The following RALYL variants were observed in gnomAD, a reference collection of about 807,000 sequenced individuals.
RALYL encodes RNA-binding Raly-like protein.
A neutral mutation model predicts 35.1 loss-of-function variants in RALYL; 29 were observed. The observed-to-expected ratio is 0.83, with a 90% CI of 0.61 to 1.13. The LOEUF (loss-of-function observed/expected upper bound fraction) is 1.13. Ranked by LOEUF, RALYL falls within the 50% of genes most tolerant of loss-of-function variation. The pLI is 0.00. For synonymous variants in RALYL, 120 were observed against 127.6 expected, an observed-to-expected ratio of 0.94 and a Z score of 0.40; for missense variants, 359 against 360.4, an observed-to-expected ratio of 1.00 and a Z score of 0.03.
intron 1 of RALYL, among the ~76,000 whole-genome samples, chr8:84,417,654 T>G (rs1368578323): frequency 1.3e-5 from 2 of 152,070 alleles, no homozygotes; most frequent in African/African-American, 4.8e-5. Flanking sequence ...TGTCTTCAGA[T>G]ATCAACAGTG....
At chr8:84,772,340 T>C (rs548191084) in intron 2 of RALYL, among the ~76,000 whole-genome samples, 1 of 152,246 alleles carries the variant, frequency 6.6e-6, no homozygotes, top group African/African-American at 2.4e-5. Flanking sequence ...TTGGCCTTTG[T>C]TCTATTGTAC....
chr8:84,854,913 A>G (rs866060296), intron 5 of RALYL, among the ~76,000 whole-genome samples: 1 of 152,262 alleles, frequency 6.6e-6, no homozygotes, highest in Middle Eastern at 3.4e-3. Flanking sequence ...GCTGACACCC[A>G]AATCTCTGAG....
intron 1 of RALYL, among the ~76,000 whole-genome samples, chr8:84,474,046 C>G (rs1458928189): frequency 6.6e-6 from 1 of 151,952 alleles, no homozygotes; most frequent in Non-Finnish European, 1.5e-5. Context: ...GTAGCAAACC[C>G]ATGACATTCT....
At chr8:84,531,920 G>T in intron 2 of RALYL, among the ~76,000 whole-genome samples, 1 of 151,984 alleles carries the variant, frequency 6.6e-6, no homozygotes, top group East Asian at 1.9e-4. Flanking sequence ...ACACCAAATT[G>T]CTTTGCTTTG....
chr8:84,757,049 A>G (rs1811598278), intron 2 of RALYL, among the ~76,000 whole-genome samples: 1 of 152,188 alleles, frequency 6.6e-6, no homozygotes, highest in Non-Finnish European at 1.5e-5. Context: ...ACTAACAAGA[A>G]GAATTTGAAT....
chr8:84,826,293 A>G lies in RALYL; in HGVS notation c.365+21491A>G, dbSNP rs969777802. On this transcript the variant is annotated intron_variant, in intron 4 of 8. Coordinates refer to ENST00000521268, the MANE Select transcript of RALYL (RefSeq NM_173848.7). ...ACTACACATGTATCCCCTGAATCTG[A>G]AAAAAAAAAAAAAAAAAAAAAATGC... Among the ~76,000 whole-genome samples, 11 of 85,638 alleles carry G rather than the reference A, an allele frequency of 1.3e-4. No homozygotes were observed. The East Asian group carries it at 2.4e-3, about 19-fold the overall frequency. The allele number at this position is 85,638 out of a possible 152,430, so 56.2% of individuals were successfully genotyped here.
chr8:84,184,828 C>T lies in RALYL; in HGVS notation c.-24+404C>T, dbSNP rs575296144. 2.0e-5 allele frequency: 14 copies of T among 685,950 alleles called. No homozygotes were observed. The African/African-American group carries it at 2.3e-4, about 11-fold the overall frequency. The allele number at this position is 685,950 out of a possible 1,614,324, so 42.5% of individuals were successfully genotyped here. A position where few individuals can be genotyped will look rare whatever the true frequency, so the allele number is the denominator to read the frequency against. ...CGTGTACGTGGCGCTGGCCGTCGGG[C>T]GGGCTAGAGGGGACCCTCAGAGCAC... is the stretch of plus-strand genomic sequence containing the variant. On this transcript the variant is annotated intron_variant, in intron 1 of 8. Transcript: ENST00000521268.
chr8:84,545,902 T>C (rs2060322010), intron 2 of RALYL, among the ~76,000 whole-genome samples: 1 of 152,172 alleles, frequency 6.6e-6, no homozygotes, highest in Non-Finnish European at 1.5e-5. Context: ...CAAATTATTA[T>C]GTTTTTCCTT....
chr8:84,721,199 C>T (rs185200063), intron 2 of RALYL, among the ~76,000 whole-genome samples: 337 of 142,494 alleles, frequency 2.4e-3, no homozygotes, highest in African/African-American at 8.6e-3. Flanking sequence ...GAGACCCTAT[C>T]TCTATTAAAA....
intron 1 of RALYL, among the ~76,000 whole-genome samples, chr8:84,300,292 G>T (rs1001608256): frequency 1.4e-4 from 22 of 151,838 alleles, no homozygotes; most frequent in African/African-American, 5.3e-4. Context: ...TTGCACTGTA[G>T]TCTGAGAGTG....
intron 2 of RALYL, chr8:84,679,927 T>C (rs1835037310): frequency 3.1e-6 from 1 of 320,824 alleles, no homozygotes; most frequent in Non-Finnish European, 6.1e-6. Context: ...TATATACATG[T>C]GCCATGTTGG....
intron 1 of RALYL, among the ~76,000 whole-genome samples, chr8:84,407,457 T>C (rs912868613): frequency 2.6e-5 from 4 of 152,194 alleles, no homozygotes; most frequent in African/African-American, 9.7e-5. Flanking sequence ...ATCATTCTTA[T>C]TCAATTATCA....
At chr8:84,409,124 A>T (rs1029694636) in intron 1 of RALYL, among the ~76,000 whole-genome samples, 2 of 152,114 alleles carry the variant, frequency 1.3e-5, no homozygotes, top group Non-Finnish European at 2.9e-5. Flanking sequence ...TCCACTCATT[A>T]CTAGATCCTG....
intron 2 of RALYL, among the ~76,000 whole-genome samples, chr8:84,755,327 G>T (rs970329905): frequency 5.9e-5 from 9 of 152,108 alleles, no homozygotes; most frequent in Non-Finnish European, 1.2e-4. Flanking sequence ...TATCAGTGTT[G>T]TCTGCCACAA....
Position 84,228,641 on chromosome 8 carries a change from ACT to A in RALYL, c.-24+44220_-24+44221del, listed in dbSNP as rs964894625. 1.7e-4 allele frequency among the ~76,000 whole-genome samples: 26 copies of A among 152,270 alleles called. No homozygotes were observed. The East Asian group carries it at 3.7e-3, about 21-fold the overall frequency. On this transcript the variant is annotated intron_variant, in intron 1 of 8. Transcript: ENST00000521268. ...CATCTAAGCTGCATTTTGTATGCACACTCTGTATTGGTCTGGTCTCATAATGC... is the reference window on the plus strand; with the variant it reads ...CATCTAAGCTGCATTTTGTATGCACACTGTATTGGTCTGGTCTCATAATGC...
At chr8:84,916,345 T>C (rs1412402151) in intron 8 of RALYL, among the ~76,000 whole-genome samples, 1 of 152,010 alleles carries the variant, frequency 6.6e-6, no homozygotes, top group Non-Finnish European at 1.5e-5. Context: ...AGGGTTCTTT[T>C]TTTTTAAATC....
chr8:84,647,335 G>T (rs1447383919), intron 2 of RALYL, among the ~76,000 whole-genome samples: 1 of 152,040 alleles, frequency 6.6e-6, no homozygotes, highest in Non-Finnish European at 1.5e-5. Flanking sequence ...AGGGGAGCTG[G>T]ACTATGGATG....
rs988747364 is a variant in RALYL, at chr8:84,226,915, T to A, written c.-24+42491T>A. ...ATATCTGTTAGTTGATCTCAGCTGA[T>A]GTGTTATTAGTGAATTAATGGAGTG... On this transcript the variant is annotated intron_variant, in intron 1 of 8. Transcript: ENST00000521268. Among the ~76,000 whole-genome samples, 6 of 152,200 alleles carry A rather than the reference T, an allele frequency of 3.9e-5. No individual in the cohort carries two copies. The South Asian group carries it at 6.2e-4, about 16-fold the overall frequency.
chr8:84,367,318 AT>A (rs56387511), intron 1 of RALYL, among the ~76,000 whole-genome samples: 3 of 27,400 alleles, frequency 1.1e-4, no homozygotes, highest in African/African-American at 1.6e-4. Context: ...TAATTTTTGT[AT>A]TTTTTTTTTT....
Sources: gnomAD v4.1 joint callset for allele counts (sites outside exome capture counted in the v4.1 genomes callset) on GRCh38, gnomAD v4.1.1 for gene constraint, MANE v1.5 for transcripts, NCBI Gene and HGNC (gene_info 2026-07-23, HGNC 2026-07-21) for gene names.